Variants in NFS1 observed in about 807,000 individuals in gnomAD.
The protein encoded by NFS1 is cysteine desulfurase.
A neutral mutation model predicts 57.3 loss-of-function variants in NFS1; 26 were observed. The ratio of observed to expected loss-of-function variants is 0.45; its 90% CI spans 0.33 to 0.63. NFS1 has a LOEUF of 0.63. NFS1 is among the 20% of genes least tolerant of loss of function. The pLI is 0.02. For synonymous variants in NFS1, 209 were observed against 216.3 expected (o/e 0.97, Z 0.30); for missense variants, 505 against 605.8 (o/e 0.83, Z 1.75).
chr20:35,693,002 G>A (rs1196963410), intron 4 of NFS1, among the ~76,000 whole-genome samples: 1 of 148,586 alleles, frequency 6.7e-6, no homozygotes, highest in Non-Finnish European at 1.5e-5. Context: ...ACTCCCCCTT[G>A]GGAAAAAAAA....
intron 5 of NFS1, among the ~76,000 whole-genome samples, chr20:35,685,206 A>G (rs1270398206): frequency 6.6e-6 from 1 of 151,754 alleles, no homozygotes; most frequent in Non-Finnish European, 1.5e-5. Context: ...CTGTCTCTAC[A>G]AAAAGAAAAA....
rs746820595 is a variant in NFS1 at position 35,676,758 on chromosome 20, G to GAAAAAAAAAAAAAAAAAAAAAAAA, written c.791-1580_791-1557dup. Among the ~76,000 whole-genome samples the GAAAAAAAAAAAAAAAAAAAAAAAA allele has an allele frequency of 3.9e-4, 7 of 18,132 alleles. 2 individuals are homozygous for GAAAAAAAAAAAAAAAAAAAAAAAA. The highest frequency in any genetic ancestry group is 1.5e-3 in the African/African-American group (6 of 3,928). The allele number at this position is 18,132 out of a possible 152,430, so 11.9% of individuals were successfully genotyped here. The stretch of plus-strand genomic sequence containing the variant: ...GCCTCCCAATAACCAGAGAAAATCA[G>GAAAAAAAAAAAAAAAAAAAAAAAA]AAAAAAAAAAAAAAAAAAAAAAAAA... On this transcript the variant is annotated intron_variant, in intron 7 of 12. Transcript: ENST00000374092.
intron 5 of NFS1, 23 bp from the exon 6 acceptor site, chr20:35,682,004 T>C: frequency 7.0e-7 from 1 of 1,423,184 alleles, no homozygotes; most frequent in Non-Finnish European, 9.9e-7. Context: ...AGGAGTAAGG[T>C]GACTAGATAG....
At position 35,690,107 on chromosome 20, in the gene NFS1, A is replaced by G. The variant is rs186672769; in HGVS notation, c.561+306T>C. ...AGAGCCAAACTCTGTCTCAAAATAA[A>G]AAAAAGAAGTAACAAGTCCTCCAGA... On this transcript the variant is annotated intron_variant, in intron 5 of 12. Transcript: ENST00000374092. Among the ~76,000 whole-genome samples the G allele has an allele frequency of 6.2e-4, 95 of 152,050 alleles. 1 individual carries two copies. In the Middle Eastern group the frequency reaches 0.017, roughly 27 times the overall value.
At chr20:35,672,415 A>G (rs1358203235) in intron 12 of NFS1, among the ~76,000 whole-genome samples, 1 of 151,942 alleles carries the variant, frequency 6.6e-6, no homozygotes, top group Non-Finnish European at 1.5e-5. Flanking sequence ...ACTCCCGGCT[A>G]ATTTTTTTGT....
chr20:35,669,968 G>T (rs1322727485), intron 12 of NFS1, among the ~76,000 whole-genome samples: 2 of 152,214 alleles, frequency 1.3e-5, no homozygotes. Flanking sequence ...ACCAAACATG[G>T]TCATATTCTT....
chr20:35,686,345 C>A (rs1601529255), intron 5 of NFS1, among the ~76,000 whole-genome samples: 2 of 105,664 alleles, frequency 1.9e-5, no homozygotes, highest in Non-Finnish European at 1.8e-5. Flanking sequence ...AGCGAAACTC[C>A]ATCTCAAAAA....
At chr20:35,673,339 G>C (rs1241185041) in intron 11 of NFS1, among the ~76,000 whole-genome samples, 1 of 151,668 alleles carries the variant, frequency 6.6e-6, no homozygotes, top group African/African-American at 2.4e-5. Context: ...AAAATCACCT[G>C]AGATGTTTTC....
intron 4 of NFS1, among the ~76,000 whole-genome samples, chr20:35,691,651 G>A (rs922255601): frequency 3.5e-5 from 5 of 141,934 alleles, no homozygotes; most frequent in Admixed American, 1.5e-4. Context: ...TGAGGGAGGG[G>A]AATCACTTGA....
rs1389269018 is a variant in NFS1 at position 35,688,192 on chromosome 20, C to T, written c.561+2221G>A. 4.0e-5 allele frequency among the ~76,000 whole-genome samples: 6 copies of T among 151,620 alleles called. 1 individual carries two copies. Among genetic ancestry groups the T allele is most frequent in the South Asian group, 4.2e-4 (2 of 4,812 alleles). ...TGAACCCGGGAGGCAGAGGTTGCAA[C>T]GAGCCAAGATCGTGCCATTGCACTC... On this transcript the variant is annotated intron_variant, in intron 5 of 12. Transcript: ENST00000374092.
intron 1 of NFS1, 115 bp from the exon 2 acceptor site, chr20:35,698,705 T>TA: frequency 7.0e-7 from 1 of 1,430,250 alleles, no homozygotes; most frequent in South Asian, 1.5e-5. Flanking sequence ...TAAGGGATGC[T>TA]AGGGTCGAAT....
At chr20:35,690,314 A>T in intron 5 of NFS1, 99 bp downstream of exon 5, 2 of 1,130,346 alleles carry the variant, frequency 1.8e-6, no homozygotes, top group African/African-American at 1.6e-5. Context: ...TAACTGTTAG[A>T]TCTATTCCTT....
At chr20:35,689,929 CAA>C (rs779636716) in intron 5 of NFS1, among the ~76,000 whole-genome samples, 23 of 70,954 alleles carry the variant, frequency 3.2e-4, no homozygotes, top group Admixed American at 5.0e-4. Context: ...GACTCTGCCT[CAA>C]AAAAAAAAAA....
chr20:35,674,500 G>A lies in NFS1; in HGVS notation c.1054+12C>T, dbSNP rs2034707192. On this transcript the variant is annotated intron_variant, in intron 9 of 12. Transcript: ENST00000374092. Reference sequence around the variant, plus strand: ...CTCTACCAGAATGAGGATAGAAAGAGCAAGTCCATACCGGGATAATGGTGC... The same window carrying A: ...CTCTACCAGAATGAGGATAGAAAGAACAAGTCCATACCGGGATAATGGTGC... 2 of 1,612,448 alleles carry A rather than the reference G, an allele frequency of 1.2e-6. No individual in the cohort carries two copies. Among genetic ancestry groups the A allele is most frequent in the East Asian group, 2.2e-5 (1 of 44,884 alleles).
rs576822233 is a variant in NFS1, at chr20:35,674,441, A to G, written c.1055-10T>C. ...GAGAGGTTGATACAGCCTGGAGGAAAGAAATACTGTGAGAGAGGTCTCAGA... is the reference window on the plus strand; with the variant it reads ...GAGAGGTTGATACAGCCTGGAGGAAGGAAATACTGTGAGAGAGGTCTCAGA... On this transcript the variant is annotated splice_polypyrimidine_tract_variant and intron_variant, in intron 9 of 12. Coordinates refer to ENST00000374092, the MANE Select transcript of NFS1 (RefSeq NM_021100.5). The G allele has an allele frequency of 1.2e-6, 2 of 1,613,930 alleles. No individual in the cohort carries two copies. Among genetic ancestry groups the G allele is most frequent in the East Asian group, 2.2e-5 (1 of 44,890 alleles).
chr20:35,690,996 T>C (rs1281561455), intron 4 of NFS1, among the ~76,000 whole-genome samples: 1 of 152,168 alleles, frequency 6.6e-6, no homozygotes, highest in East Asian at 1.9e-4. Flanking sequence ...AGGTCATCAA[T>C]TGCAACAAAT....
chr20:35,689,591 AC>A (rs2146432314), intron 5 of NFS1, among the ~76,000 whole-genome samples: 1 of 151,548 alleles, frequency 6.6e-6, no homozygotes, highest in African/African-American at 2.4e-5. Flanking sequence ...ACATGGTGAA[AC>A]CCCGTCTCTA....
intron 7 of NFS1, among the ~76,000 whole-genome samples, chr20:35,680,307 G>T: frequency 7.0e-6 from 1 of 142,306 alleles, no homozygotes; most frequent in East Asian, 2.0e-4. Context: ...TCCGTCTCAA[G>T]AAAAAAAAAA....
chr20:35,687,002 C>T (rs1292949681), intron 5 of NFS1, among the ~76,000 whole-genome samples: 1 of 152,200 alleles, frequency 6.6e-6, no homozygotes, highest in Admixed American at 6.5e-5. Flanking sequence ...GGCGAGCCTT[C>T]TGTTATGCGT....
Sources: allele counts gnomAD v4.1 joint callset (sites outside exome capture counted in the v4.1 genomes callset), GRCh38; gene constraint gnomAD v4.1.1; transcripts MANE v1.5; gene names NCBI Gene and HGNC (gene_info 2026-07-23, HGNC 2026-07-21).